SPA17: variants seen among roughly 807,000 people sequenced by gnomAD.
SPA17 encodes sperm autoantigenic protein 17, also known as sperm surface protein Sp17.
A neutral mutation model predicts 13.8 loss-of-function variants in SPA17; 7 were observed. The ratio of observed to expected loss-of-function variants is 0.51; its 90% CI spans 0.29 to 0.95. The LOEUF is 0.95. SPA17 is among the 40% of genes least tolerant of loss of function. SPA17 has a pLI of 0.08. For synonymous variants in SPA17, 61 were observed against 59.0 expected (o/e 1.03, Z -0.16); for missense variants, 170 against 179.3 (o/e 0.95, Z 0.30).
Position 124,694,520 on chromosome 11 carries a change from T to C in SPA17, c.*74T>C, listed in dbSNP as rs1943655187. 9.2e-6 allele frequency: 14 copies of C among 1,520,088 alleles called. No individual in the cohort carries two copies. In the South Asian group the frequency reaches 1.8e-4, roughly 20 times the overall value. 94.2% of individuals were successfully genotyped at this position (1,520,088 alleles called of 1,614,324 possible). A position where few individuals can be genotyped will look rare whatever the true frequency, so the allele number is the denominator to read the frequency against. On this transcript the variant is annotated 3_prime_UTR_variant, in exon 5 of 5. Coordinates refer to ENST00000227135, the MANE Select transcript of SPA17 (RefSeq NM_017425.4). ...CAACCTTCTTATTAATGTCATTTCT[T>C]CCTGAGGAAGGAAGATTTGATGTTG...
At chr11:124,691,458 T>C (rs898124138) in intron 3 of SPA17, among the ~76,000 whole-genome samples, 2 of 152,188 alleles carry the variant, frequency 1.3e-5, no homozygotes, top group Non-Finnish European at 2.9e-5. Context: ...AAGCAACAGA[T>C]CAAACATTTT....
chr11:124,681,382 T>C lies in SPA17; in HGVS notation c.155-7T>C. 6.4e-7 allele frequency: 1 copy of C among 1,570,224 alleles called. No homozygotes were observed. The highest frequency in any genetic ancestry group is 1.8e-5 in the Admixed American group (1 of 55,492). On this transcript the variant is annotated splice_region_variant and splice_polypyrimidine_tract_variant and intron_variant, in intron 2 of 4. Coordinates refer to ENST00000227135, the MANE Select transcript of SPA17 (RefSeq NM_017425.4). ...AAATCTGAAGTTCTTATATTTTTAT[T>C]ATTTAGAAACCAACTTTGATCCAGC...
At chr11:124,687,758 A>G (rs1365908109) in intron 3 of SPA17, among the ~76,000 whole-genome samples, 1 of 152,206 alleles carries the variant, frequency 6.6e-6, no homozygotes, top group Non-Finnish European at 1.5e-5. Context: ...AAAACACTCA[A>G]CAAACTAGGC....
At chr11:124,685,136 C>T (rs982425942) in intron 3 of SPA17, among the ~76,000 whole-genome samples, 3 of 152,244 alleles carry the variant, frequency 2.0e-5, no homozygotes, top group Middle Eastern at 3.2e-3. Context: ...AGCAACCTCC[C>T]ATCACAAGCC....
chr11:124,690,444 A>G (rs1400855652), intron 3 of SPA17, among the ~76,000 whole-genome samples: 2 of 152,214 alleles, frequency 1.3e-5, no homozygotes, highest in East Asian at 1.9e-4. Context: ...GTGGAATGAT[A>G]GATAATGGAG....
At chr11:124,689,967 T>C (rs1229482058) in intron 3 of SPA17, among the ~76,000 whole-genome samples, 5 of 152,168 alleles carry the variant, frequency 3.3e-5, no homozygotes, top group Admixed American at 3.3e-4. Context: ...TAATAACAGA[T>C]ACTGGCAAGG....
intron 1 of SPA17, chr11:124,674,359 GA>G (rs1419669515): frequency 1.3e-5 from 2 of 150,512 alleles, no homozygotes; most frequent in East Asian, 2.0e-4. Context: ...CCCTCTCAAA[GA>G]AAAAAAAAGC....
chr11:124,694,710 G>C lies in SPA17; in HGVS notation c.*264G>C. 1 of 308,722 alleles carries C rather than the reference G, an allele frequency of 3.2e-6. No individual in the cohort carries two copies. Among genetic ancestry groups the C allele is most frequent in the Non-Finnish European group, 5.9e-6 (1 of 168,860 alleles). 19.1% of individuals were successfully genotyped at this position (308,722 alleles called of 1,614,324 possible). A position where few individuals can be genotyped will look rare whatever the true frequency, so the allele number is the denominator to read the frequency against. On this transcript the variant is annotated 3_prime_UTR_variant, in exon 5 of 5. Transcript: ENST00000227135. Reference sequence around the variant, plus strand: ...TTGGATTTAGAATTATAGAACTAAAGTATCTGAGATTACAGAGATCTCAGA... The same window carrying C: ...TTGGATTTAGAATTATAGAACTAAACTATCTGAGATTACAGAGATCTCAGA...
rs1943651017 is a variant in SPA17 at position 124,694,167 on chromosome 11, T to G, written c.313-136T>G. 4.4e-5 allele frequency: 49 copies of G among 1,112,018 alleles called. 1 individual carries two copies. In the South Asian group the frequency reaches 7.1e-4, roughly 16 times the overall value. The allele number at this position is 1,112,018 out of a possible 1,614,324, so 68.9% of individuals were successfully genotyped here. On this transcript the variant is annotated intron_variant, in intron 4 of 4. Coordinates refer to ENST00000227135, the MANE Select transcript of SPA17 (RefSeq NM_017425.4). Reference sequence around the variant, plus strand: ...TTGGTACATATACAATGTGACAATATATGAAATTCCCTCAGGAAGCAACAG... The same window carrying G: ...TTGGTACATATACAATGTGACAATAGATGAAATTCCCTCAGGAAGCAACAG...
chr11:124,681,164 T>G (rs188173861), intron 2 of SPA17, among the ~76,000 whole-genome samples: 120 of 152,244 alleles, frequency 7.9e-4, no homozygotes, highest in Non-Finnish European at 1.4e-3. Context: ...TTTTAGTGCT[T>G]TTCTAAATAT....
intron 3 of SPA17, among the ~76,000 whole-genome samples, chr11:124,685,611 C>T (rs1011186817): frequency 1.2e-4 from 19 of 152,250 alleles, no homozygotes; most frequent in African/African-American, 4.1e-4. Context: ...TTGCACTGTG[C>T]ACATGGAAAA....
chr11:124,674,725 C>T (rs1344626028), intron 1 of SPA17: 1 of 152,306 alleles, frequency 6.6e-6, no homozygotes, highest in African/African-American at 2.4e-5. Flanking sequence ...TTCCACAGTA[C>T]GAAGGTGTTC....
rs918206230 is a variant in SPA17 at position 124,695,493 on chromosome 11, G to T, written c.*1047G>T. On this transcript the variant is annotated 3_prime_UTR_variant, in exon 5 of 5. Coordinates refer to ENST00000227135, the MANE Select transcript of SPA17 (RefSeq NM_017425.4). Reference sequence around the variant, plus strand: ...TAGTGCCTTAGTTTTAGAAAGTTCCGTCTCTCCTTTTTGAGGCCTCTCCAC... The same window carrying T: ...TAGTGCCTTAGTTTTAGAAAGTTCCTTCTCTCCTTTTTGAGGCCTCTCCAC... 1 of 152,080 alleles carries T rather than the reference G, an allele frequency of 6.6e-6. No individual in the cohort carries two copies. The highest frequency in any genetic ancestry group is 2.4e-5 in the African/African-American group (1 of 41,394). The allele number at this position is 152,080 out of a possible 1,614,324, so 9.4% of individuals were successfully genotyped here.
chr11:124,694,576 C>G lies in SPA17; in HGVS notation c.*130C>G. The G allele has an allele frequency of 8.1e-7, 1 of 1,231,328 alleles. No individual in the cohort carries two copies. The highest frequency in any genetic ancestry group is 1.1e-6 in the Non-Finnish European group (1 of 889,014). The allele number at this position is 1,231,328 out of a possible 1,614,324, so 76.3% of individuals were successfully genotyped here. ...TAACATTCGTTACTGTTGTGAAAATCTGTCATGAGCATTTGTTTAATAAGC... is the reference window on the plus strand; with the variant it reads ...TAACATTCGTTACTGTTGTGAAAATGTGTCATGAGCATTTGTTTAATAAGC... On this transcript the variant is annotated 3_prime_UTR_variant, in exon 5 of 5. Coordinates refer to ENST00000227135, the MANE Select transcript of SPA17 (RefSeq NM_017425.4).
chr11:124,693,924 T>G (rs1943647654), intron 4 of SPA17, among the ~76,000 whole-genome samples: 1 of 152,228 alleles, frequency 6.6e-6, no homozygotes, highest in South Asian at 2.1e-4. Context: ...GTAATTGTGA[T>G]TATTTTGAAA....
At chr11:124,682,863 C>T (rs2134412065) in intron 3 of SPA17, among the ~76,000 whole-genome samples, 1 of 151,586 alleles carries the variant, frequency 6.6e-6, no homozygotes, top group East Asian at 1.9e-4. Flanking sequence ...ATTTAAACAT[C>T]CAGATATAGG....
At position 124,694,387 on chromosome 11, in the gene SPA17, G is replaced by A. The variant is rs1257095082; in HGVS notation, c.397G>A (p.Glu133Lys). 3 of 1,613,960 alleles carry A rather than the reference G, an allele frequency of 1.9e-6. No homozygotes were observed. Among genetic ancestry groups the A allele is most frequent in the East Asian group, 2.2e-5 (1 of 44,850 alleles). The change falls in exon 5 of 5, where the codon GAG becomes AAG. Residue 133 changes from glutamate (E) to lysine (K), a missense_variant. Physicochemically the swap from Glu to Lys is moderately conservative, Grantham distance 56 (BLOSUM62 1). Transcript: ENST00000227135. ...CTTCCGGGGACACATAGCCAGAGAG[G>A]AGGCAAAGAAAATGAAAACAAATAG... Reference protein sequence around the residue: ...AAFRGHIAREEAKKMKTNSLQ... With the variant: ...AAFRGHIAREKAKKMKTNSLQ...
At position 124,695,523 on chromosome 11, in the gene SPA17, G is replaced by C. The variant is rs1163991439; in HGVS notation, c.*1077G>C. On this transcript the variant is annotated 3_prime_UTR_variant, in exon 5 of 5. Transcript: ENST00000227135. ...TCCTTTTTGAGGCCTCTCCACCCTT[G>C]ATTGTCCAAGAAACTGAGGGTTCAT... The C allele has an allele frequency of 6.6e-6, 1 of 152,150 alleles. No homozygotes were observed. Among genetic ancestry groups the C allele is most frequent in the Non-Finnish European group, 1.5e-5 (1 of 68,032 alleles). The allele number at this position is 152,150 out of a possible 1,614,324, so 9.4% of individuals were successfully genotyped here.
intron 2 of SPA17, among the ~76,000 whole-genome samples, chr11:124,679,135 C>CAA (rs1239970697): frequency 3.0e-5 from 2 of 66,768 alleles, no homozygotes; most frequent in Admixed American, 1.7e-4. Context: ...GACTCTGTCT[C>CAA]AAAAAAAAAA....
Sources: gnomAD v4.1 joint callset for allele counts (sites outside exome capture counted in the v4.1 genomes callset) on GRCh38, gnomAD v4.1.1 for gene constraint, MANE v1.5 for transcripts, NCBI Gene and HGNC (gene_info 2026-07-23, HGNC 2026-07-21) for gene names.